The following EEA1 variants were observed in gnomAD, a reference collection of about 807,000 sequenced individuals.
The protein encoded by EEA1 is early endosome antigen 1.
A neutral mutation model predicts 209.2 loss-of-function variants in EEA1; 111 were observed. That is an observed-to-expected ratio of 0.53 (90% CI 0.45 to 0.62). EEA1 has a LOEUF of 0.62. EEA1 is among the 20% of genes least tolerant of loss of function. EEA1 has a pLI of 0.00. For synonymous variants in EEA1, 536 were observed against 540.6 expected, an observed-to-expected ratio of 0.99 and a Z score of 0.12; for missense variants, 1,343 against 1,530.8, an observed-to-expected ratio of 0.88 and a Z score of 2.05.
chr12:92,857,214 A>G, intron 5 of EEA1, 61 bp downstream of exon 5: 2 of 1,337,532 alleles, frequency 1.5e-6, no homozygotes, highest in Non-Finnish European at 2.0e-6. Flanking sequence ...TATTAAGTTT[A>G]GTTTTCAACA....
intron 2 of EEA1, among the ~76,000 whole-genome samples, chr12:92,888,400 A>G (rs1879503349): frequency 6.6e-6 from 1 of 151,884 alleles, no homozygotes; most frequent in Non-Finnish European, 1.5e-5. Context: ...CTAACATGAA[A>G]CCCCATCTCT....
At chr12:92,908,256 A>C (rs1169591294) in intron 1 of EEA1, among the ~76,000 whole-genome samples, 1 of 152,226 alleles carries the variant, frequency 6.6e-6, no homozygotes, top group Non-Finnish European at 1.5e-5. Context: ...TTCCACTTAT[A>C]TGAGGTACCT....
At chr12:92,812,958 G>A in intron 16 of EEA1, 22 bp downstream of exon 16, 1 of 1,500,338 alleles carries the variant, frequency 6.7e-7, no homozygotes, top group Non-Finnish European at 9.1e-7. Flanking sequence ...GTGATAGTAT[G>A]AAATTGCATC....
chr12:92,895,997 C>T (rs976524769), intron 1 of EEA1, among the ~76,000 whole-genome samples: 4 of 149,164 alleles, frequency 2.7e-5, no homozygotes, highest in East Asian at 2.0e-4. Flanking sequence ...TTTCTTGAGA[C>T]GGACTTTTGC....
chr12:92,891,850 C>T (rs570602601), intron 1 of EEA1, 129 bp from the exon 2 acceptor site: 4 of 587,154 alleles, frequency 6.8e-6, no homozygotes, highest in Non-Finnish European at 1.2e-5. Context: ...ACAGTACTAA[C>T]AGTATCATTT....
At chr12:92,886,867 A>G (rs528250012) in intron 2 of EEA1, among the ~76,000 whole-genome samples, 36 of 151,982 alleles carry the variant, frequency 2.4e-4, no homozygotes, top group Admixed American at 4.6e-4. Flanking sequence ...GTGTGGTGGC[A>G]GGCGCCTGTA....
intron 10 of EEA1, among the ~76,000 whole-genome samples, chr12:92,840,110 C>T (rs2136699749): frequency 6.6e-6 from 1 of 152,170 alleles, no homozygotes; most frequent in Non-Finnish European, 1.5e-5. Context: ...CTCTTTATTC[C>T]CTTATGCCCT....
At chr12:92,834,325 C>T (rs528339476) in intron 10 of EEA1, among the ~76,000 whole-genome samples, 4 of 152,148 alleles carry the variant, frequency 2.6e-5, no homozygotes, top group South Asian at 4.1e-4. Flanking sequence ...AGAAAGATTA[C>T]TTGAGGTCAG....
chr12:92,801,286 T>G (rs1216618146), intron 20 of EEA1, among the ~76,000 whole-genome samples: 3 of 152,058 alleles, frequency 2.0e-5, no homozygotes, highest in Admixed American at 6.6e-5. Flanking sequence ...ACCCTGTAGT[T>G]AGCTGACTCA....
chr12:92,859,983 G>A (rs1188245632), intron 3 of EEA1, among the ~76,000 whole-genome samples: 1 of 152,136 alleles, frequency 6.6e-6, no homozygotes, highest in Admixed American at 6.5e-5. Context: ...TCAAAAAAAG[G>A]CAGTTACCAT....
At chr12:92,897,671 G>A (rs1879947453) in intron 1 of EEA1, among the ~76,000 whole-genome samples, 1 of 152,032 alleles carries the variant, frequency 6.6e-6, no homozygotes, top group African/African-American at 2.4e-5. Context: ...CCAAGAATCT[G>A]GACAACTTGC....
At chr12:92,911,840 C>T (rs1352444130) in intron 1 of EEA1, among the ~76,000 whole-genome samples, 3 of 152,160 alleles carry the variant, frequency 2.0e-5, no homozygotes, top group African/African-American at 7.2e-5. Context: ...TTCCTTTTCT[C>T]AAGAAAGAGA....
chr12:92,778,659 A>T (rs1219509343), intron 25 of EEA1, among the ~76,000 whole-genome samples: 2 of 152,098 alleles, frequency 1.3e-5, no homozygotes, highest in Non-Finnish European at 2.9e-5. Context: ...TTTGGACTTA[A>T]TTCAACAGAG....
intron 18 of EEA1, among the ~76,000 whole-genome samples, chr12:92,804,487 G>A (rs1875090441): frequency 6.7e-6 from 1 of 148,218 alleles, no homozygotes; most frequent in Non-Finnish European, 1.5e-5. Context: ...CAGGAGAATC[G>A]CTTGAACCCA....
At chr12:92,831,930 A>G (rs1344487187) in intron 11 of EEA1, among the ~76,000 whole-genome samples, 1 of 148,984 alleles carries the variant, frequency 6.7e-6, no homozygotes, top group African/African-American at 2.5e-5. Flanking sequence ...CTAAAAATAC[A>G]AAAAAAATTA....
At chr12:92,815,246 T>C (rs551143730) in intron 15 of EEA1, among the ~76,000 whole-genome samples, 1 of 152,280 alleles carries the variant, frequency 6.6e-6, no homozygotes, top group Admixed American at 6.5e-5. Flanking sequence ...TGGAACTAGT[T>C]CTGAAATGAA....
intron 1 of EEA1, among the ~76,000 whole-genome samples, chr12:92,924,289 T>A (rs534709129): frequency 7.1e-6 from 1 of 140,990 alleles, no homozygotes; most frequent in Admixed American, 7.5e-5. Context: ...CTCACTGCAA[T>A]CTCAGCCTCC....
intron 1 of EEA1, among the ~76,000 whole-genome samples, chr12:92,903,232 C>T (rs113665921): frequency 0.019 from 2,830 of 151,792 alleles, 97 homozygotes; most frequent in African/African-American, 0.063. Flanking sequence ...CCACCGCGCC[C>T]GGCCTGTTCA....
chr12:92,899,464 GC>G (rs1880064244), intron 1 of EEA1, among the ~76,000 whole-genome samples: 1 of 152,208 alleles, frequency 6.6e-6, no homozygotes, highest in South Asian at 2.1e-4. Context: ...TTCTAGACAA[GC>G]AGACAAAGCT....
Sources: gnomAD v4.1 joint callset for allele counts (sites outside exome capture counted in the v4.1 genomes callset) on GRCh38, gnomAD v4.1.1 for gene constraint, MANE v1.5 for transcripts, NCBI Gene and HGNC (gene_info 2026-07-23, HGNC 2026-07-21) for gene names.